KCND2: variants seen among roughly 807,000 people sequenced by gnomAD.
KCND2 encodes the protein A-type voltage-gated potassium channel KCND2.
A neutral mutation model predicts 54.4 loss-of-function variants in KCND2; 16 were observed. The observed-to-expected ratio is 0.29, with a 90% CI of 0.20 to 0.45. The LOEUF is 0.45. Among genes scored for constraint, KCND2 ranks in the 20% least tolerant of loss-of-function variants. KCND2 has a pLI of 1.00. For missense variants in KCND2, 486 were observed against 824.2 expected (o/e 0.59, Z 5.02); for synonymous variants, 317 against 310.7 (o/e 1.02, Z -0.21).
intron 1 of KCND2, among the ~76,000 whole-genome samples, chr7:120,294,374 A>T (rs1584716545): frequency 6.6e-6 from 1 of 151,916 alleles, no homozygotes; most frequent in East Asian, 1.9e-4. Flanking sequence ...GAATATATTT[A>T]TCGAGTATGA....
intron 1 of KCND2, among the ~76,000 whole-genome samples, chr7:120,329,586 A>G (rs997110521): frequency 5.9e-5 from 9 of 152,200 alleles, no homozygotes; most frequent in African/African-American, 2.2e-4. Context: ...ATTTTGTTCA[A>G]TAAAATGAGG....
chr7:120,420,783 A>G (rs1801599972), intron 1 of KCND2, among the ~76,000 whole-genome samples: 1 of 152,204 alleles, frequency 6.6e-6, no homozygotes, highest in Admixed American at 6.5e-5. Context: ...ATAAAGACCA[A>G]GGGAATAGAA....
At chr7:120,468,691 G>T (rs571227161) in intron 1 of KCND2, among the ~76,000 whole-genome samples, 2 of 152,202 alleles carry the variant, frequency 1.3e-5, no homozygotes, top group East Asian at 1.9e-4. Flanking sequence ...ACATATTTAT[G>T]TATTTTTTAA....
intron 1 of KCND2, among the ~76,000 whole-genome samples, chr7:120,537,831 A>G (rs1791930949): frequency 6.6e-6 from 1 of 152,126 alleles, no homozygotes; most frequent in Non-Finnish European, 1.5e-5. Context: ...CTTGCTCTGG[A>G]TTAGGCTTTG....
chr7:120,329,905 G>A (rs765960590), intron 1 of KCND2, among the ~76,000 whole-genome samples: 6 of 152,064 alleles, frequency 3.9e-5, no homozygotes, highest in Non-Finnish European at 8.8e-5. Context: ...GACTCATGTT[G>A]TTTAATTATT....
intron 1 of KCND2, among the ~76,000 whole-genome samples, chr7:120,687,871 C>T (rs1409417624): frequency 1.3e-5 from 2 of 152,028 alleles, no homozygotes; most frequent in Admixed American, 1.3e-4. Context: ...AAAACAGACC[C>T]TTCTTTCAAA....
intron 1 of KCND2, among the ~76,000 whole-genome samples, chr7:120,291,749 G>A (rs748159643): frequency 6.6e-6 from 1 of 151,792 alleles, no homozygotes; most frequent in Non-Finnish European, 1.5e-5. Flanking sequence ...TAAAAAACAT[G>A]TTTATGTTTT....
At chr7:120,677,558 T>TATAGATAG (rs1554384992) in intron 1 of KCND2, among the ~76,000 whole-genome samples, 15,800 of 143,800 alleles carry the variant, frequency 0.11, 926 homozygotes, top group Non-Finnish European at 0.12. Context: ...GATATATAGA[T>TATAGATAG]ATATAGATAT....
At chr7:120,625,594 G>T (rs185220909) in intron 1 of KCND2, among the ~76,000 whole-genome samples, 1 of 152,130 alleles carries the variant, frequency 6.6e-6, no homozygotes. Context: ...CTATATATTT[G>T]GGAGTTATTA....
At chr7:120,655,534 T>A (rs903289141) in intron 1 of KCND2, among the ~76,000 whole-genome samples, 2 of 152,124 alleles carry the variant, frequency 1.3e-5, no homozygotes, top group African/African-American at 4.8e-5. Context: ...AAGTTGTTTA[T>A]ATGCAGTAGT....
chr7:120,526,490 C>T (rs1233988351), intron 1 of KCND2, among the ~76,000 whole-genome samples: 1 of 151,994 alleles, frequency 6.6e-6, no homozygotes, highest in Non-Finnish European at 1.5e-5. Flanking sequence ...CTGATTGTAC[C>T]CAACAAAAGA....
At chr7:120,273,126 G>T (rs910790956), upstream of KCND2, among the ~76,000 whole-genome samples, 1 of 152,186 alleles carries the variant, frequency 6.6e-6, no homozygotes, top group Non-Finnish European at 1.5e-5. Flanking sequence ...GCCCGAGGGG[G>T]CGGGGGCGGA....
intron 1 of KCND2, among the ~76,000 whole-genome samples, chr7:120,709,544 C>T (rs952480940): frequency 1.1e-4 from 17 of 152,088 alleles, no homozygotes; most frequent in African/African-American, 4.1e-4. Context: ...GAAAAAGAGG[C>T]TGAGGGTTGT....
intron 1 of KCND2, among the ~76,000 whole-genome samples, chr7:120,502,844 G>A (rs557478405): frequency 9.9e-5 from 15 of 152,034 alleles, no homozygotes; most frequent in Admixed American, 3.3e-4. Flanking sequence ...CTTGATGTGA[G>A]GTGAAGTGGG....
intron 1 of KCND2, among the ~76,000 whole-genome samples, chr7:120,478,476 G>A (rs1189329850): frequency 6.6e-6 from 1 of 152,062 alleles, no homozygotes; most frequent in Non-Finnish European, 1.5e-5. Context: ...AGCACTGCTA[G>A]TATCATCTTT....
At chr7:120,408,158 G>A (rs1047189227) in intron 1 of KCND2, among the ~76,000 whole-genome samples, 2 of 151,888 alleles carry the variant, frequency 1.3e-5, no homozygotes, top group African/African-American at 4.8e-5. Flanking sequence ...GAAGGAGAAG[G>A]AAGAATTGAG....
At chr7:120,322,747 A>G (rs1799908735) in intron 1 of KCND2, among the ~76,000 whole-genome samples, 1 of 152,088 alleles carries the variant, frequency 6.6e-6, no homozygotes, top group Non-Finnish European at 1.5e-5. Context: ...TTAGCTAGTT[A>G]TTAGCATTTT....
At chr7:120,564,397 C>A (rs1792272483) in intron 1 of KCND2, among the ~76,000 whole-genome samples, 1 of 152,032 alleles carries the variant, frequency 6.6e-6, no homozygotes, top group Non-Finnish European at 1.5e-5. Flanking sequence ...ACAATAGTAA[C>A]CCAAGAATTA....
intron 1 of KCND2, among the ~76,000 whole-genome samples, chr7:120,376,831 G>T (rs950218334): frequency 6.6e-6 from 1 of 151,962 alleles, no homozygotes; most frequent in African/African-American, 2.4e-5. Flanking sequence ...TGTTAATTGT[G>T]TTCTTTAAAG....
Sources: gnomAD v4.1 joint callset for allele counts (sites outside exome capture counted in the v4.1 genomes callset) on GRCh38, gnomAD v4.1.1 for gene constraint, MANE v1.5 for transcripts, NCBI Gene and HGNC (gene_info 2026-07-23, HGNC 2026-07-21) for gene names.